The following COLEC10 variants were observed in gnomAD, a reference collection of about 807,000 sequenced individuals.
The protein encoded by COLEC10 is collectin-10.
In COLEC10, 22 loss-of-function variants were observed where a neutral mutation model predicts 28.4. That is an observed-to-expected ratio of 0.78 (90% CI 0.55 to 1.11). The LOEUF (loss-of-function observed/expected upper bound fraction) is 1.11. Ranked by LOEUF, COLEC10 falls within the 50% of genes least tolerant of loss-of-function variation. The pLI is 0.00. For missense variants in COLEC10, 361 were observed against 344.1 expected (o/e 1.05, Z -0.39); for synonymous variants, 125 against 116.1 (o/e 1.08, Z -0.49).
At chr8:118,961,838 T>C in the COLEC10 span, among the ~76,000 whole-genome samples, 2 of 152,166 alleles carry the variant, frequency 1.3e-5, no homozygotes, top group East Asian at 1.9e-4. Context: ...TCAATGGGAA[T>C]TTTGGTTTTG....
chr8:119,039,538 A>G (rs1814455486), intron 2 of COLEC10, among the ~76,000 whole-genome samples: 2 of 152,180 alleles, frequency 1.3e-5, no homozygotes, highest in Admixed American at 6.5e-5. Flanking sequence ...AACTCTGAAG[A>G]CATAAGGACA....
chr8:119,086,202 T>C (rs1815478505), intron 1 of COLEC10, among the ~76,000 whole-genome samples: 1 of 152,174 alleles, frequency 6.6e-6, no homozygotes, highest in Non-Finnish European at 1.5e-5. Context: ...TGCTGGTGGC[T>C]TGGGGAGTGG....
chr8:119,055,359 G>A (rs76157002), intron 2 of COLEC10, among the ~76,000 whole-genome samples: 4,970 of 152,128 alleles, frequency 0.033, 133 homozygotes, highest in East Asian at 0.16. Context: ...AGAGAAAAGC[G>A]TGCTCTTTAG....
upstream of COLEC10, among the ~76,000 whole-genome samples, chr8:119,066,929 C>T (rs187240758): frequency 6.6e-6 from 1 of 152,190 alleles, no homozygotes; most frequent in South Asian, 2.1e-4. Context: ...CTTTCTGAAA[C>T]TCAGCGTTTA....
chr8:119,051,135 T>A (rs918833816), intron 2 of COLEC10, among the ~76,000 whole-genome samples: 1 of 151,970 alleles, frequency 6.6e-6, no homozygotes, highest in Non-Finnish European at 1.5e-5. Context: ...TAAAAAAAAA[T>A]GGACATGAAA....
intron 5 of COLEC10, among the ~76,000 whole-genome samples, chr8:119,104,623 A>T (rs539144731): frequency 1.3e-5 from 2 of 152,090 alleles, no homozygotes; most frequent in African/African-American, 2.4e-5. Flanking sequence ...TCTTTTTCTT[A>T]TACTTTCATT....
chr8:119,069,035 C>T (rs919470422), intron 1 of COLEC10, among the ~76,000 whole-genome samples: 2 of 151,696 alleles, frequency 1.3e-5, no homozygotes, highest in Non-Finnish European at 2.9e-5. Flanking sequence ...GTACTGAATA[C>T]CTACTAAGAT....
chr8:118,980,982 C>G, the COLEC10 span, among the ~76,000 whole-genome samples: 1 of 151,682 alleles, frequency 6.6e-6, no homozygotes, highest in Non-Finnish European at 1.5e-5. Context: ...TAACTTATTT[C>G]AAGGTACCAT....
intron 1 of COLEC10, among the ~76,000 whole-genome samples, chr8:119,085,893 C>T (rs1309203972): frequency 6.6e-6 from 1 of 152,040 alleles, no homozygotes; most frequent in Non-Finnish European, 1.5e-5. Flanking sequence ...GCTGAGATTA[C>T]AGGCGTCATC....
At chr8:119,087,705 G>A (rs1046962830) in intron 1 of COLEC10, among the ~76,000 whole-genome samples, 19 of 151,894 alleles carry the variant, frequency 1.3e-4, no homozygotes, top group African/African-American at 3.4e-4. Context: ...AATTTGGCAC[G>A]GTGCCAAATT....
chr8:119,032,846 G>C (rs1814316008), intron 2 of COLEC10, among the ~76,000 whole-genome samples: 1 of 152,232 alleles, frequency 6.6e-6, no homozygotes. Context: ...AGCTTGCAGT[G>C]AGCTGAGATC....
chr8:119,020,089 A>G (rs12682278), intron 2 of COLEC10, among the ~76,000 whole-genome samples: 102,928 of 151,980 alleles, frequency 0.68, 36,809 homozygotes, highest in African/African-American at 0.92. Context: ...ATCACACAGG[A>G]CTTATTCATA....
chr8:118,956,197 G>GA, the COLEC10 span, among the ~76,000 whole-genome samples: 62 of 152,112 alleles, frequency 4.1e-4, no homozygotes, highest in Non-Finnish European at 7.5e-4. Context: ...CCACCTGCAT[G>GA]ACCTAATCAC....
chr8:118,987,622 A>C, the COLEC10 span, among the ~76,000 whole-genome samples: 1 of 152,158 alleles, frequency 6.6e-6, no homozygotes, highest in Admixed American at 6.6e-5. Context: ...GAGTTCAAGA[A>C]AACATTTAAA....
Position 119,089,708 on chromosome 8 carries a change from A to G in COLEC10, c.177A>G (p.Gly59=). ...KGDDGEKGDP[G]EEGKHGKVGR... ...ATGATGGTGAAAAAGGAGATCCAGG[A>G]GAAGAGGGAAAGCATGGCAAAGTGG... The change falls in exon 2 of 6, where the codon GGA becomes GGG. Residue 59 remains glycine, a synonymous_variant. Coordinates refer to ENST00000332843, the MANE Select transcript of COLEC10 (RefSeq NM_006438.5). The G allele has an allele frequency of 6.2e-7, 1 of 1,613,752 alleles. No homozygotes were observed. Among genetic ancestry groups the G allele is most frequent in the South Asian group, 1.1e-5 (1 of 91,072 alleles).
chr8:119,054,596 T>C (rs1030596506), intron 2 of COLEC10, among the ~76,000 whole-genome samples: 3 of 152,136 alleles, frequency 2.0e-5, no homozygotes, highest in African/African-American at 7.2e-5. Context: ...AACCTAGTTA[T>C]ATATCCTTAT....
At chr8:119,043,892 G>A (rs921502864) in intron 2 of COLEC10, among the ~76,000 whole-genome samples, 1 of 152,098 alleles carries the variant, frequency 6.6e-6, no homozygotes, top group Non-Finnish European at 1.5e-5. Flanking sequence ...AGTAGGACAT[G>A]GACAACCAGA....
chr8:119,060,729 C>T (rs1174092668), intron 2 of COLEC10, among the ~76,000 whole-genome samples: 1 of 152,076 alleles, frequency 6.6e-6, no homozygotes, highest in Admixed American at 6.6e-5. Flanking sequence ...GAGAGGCTCC[C>T]ACAAATTAGG....
the COLEC10 span, chr8:118,982,906 C>G: frequency 6.6e-6 from 1 of 152,166 alleles, no homozygotes. Flanking sequence ...GGAGCTGGCT[C>G]TTGGAGCTGT....
Sources: allele counts gnomAD v4.1 joint callset (sites outside exome capture counted in the v4.1 genomes callset), GRCh38; gene constraint gnomAD v4.1.1; transcripts MANE v1.5; gene names NCBI Gene and HGNC (gene_info 2026-07-23, HGNC 2026-07-21).